The following CRYBG1 variants were observed in gnomAD, a reference collection of about 807,000 sequenced individuals.
CRYBG1 encodes beta/gamma crystallin domain-containing protein 1.
A neutral mutation model predicts 189.2 loss-of-function variants in CRYBG1; 139 were observed. That is an observed-to-expected ratio of 0.73 (90% CI 0.64 to 0.85). CRYBG1 has a LOEUF of 0.85. Among genes scored for constraint, CRYBG1 ranks in the 40% least tolerant of loss-of-function variants. The pLI, the probability that CRYBG1 is intolerant of heterozygous loss-of-function variation, is 0.00. For synonymous variants in CRYBG1, 1,023 were observed against 1,017.1 expected, an observed-to-expected ratio of 1.01 and a Z score of -0.11; for missense variants, 2,611 against 2,675.8, an observed-to-expected ratio of 0.98 and a Z score of 0.53.
At chr6:106,363,243 C>CAAAAA (rs57040798) in intron 1 of CRYBG1, among the ~76,000 whole-genome samples, 2 of 111,134 alleles carry the variant, frequency 1.8e-5, no homozygotes, top group East Asian at 2.6e-4. Context: ...AACTCCGTCT[C>CAAAAA]AAAAAAAAAA....
intron 21 of CRYBG1, 137 bp downstream of exon 21, chr6:106,564,063 G>A: frequency 3.6e-6 from 3 of 823,308 alleles, no homozygotes; most frequent in Non-Finnish European, 5.6e-6. Flanking sequence ...TGTGCCAGCT[G>A]CTGTGCTAGC....
intron 1 of CRYBG1, among the ~76,000 whole-genome samples, chr6:106,432,369 T>C (rs1023649905): frequency 6.6e-6 from 1 of 152,212 alleles, no homozygotes; most frequent in African/African-American, 2.4e-5. Flanking sequence ...GAAAACCATA[T>C]TGTACTTCTA....
At chr6:106,408,889 A>G in intron 1 of CRYBG1, among the ~76,000 whole-genome samples, 1 of 152,220 alleles carries the variant, frequency 6.6e-6, no homozygotes, top group African/African-American at 2.4e-5. Flanking sequence ...AGTAAGAGCT[A>G]TTTATGACAA....
intron 1 of CRYBG1, among the ~76,000 whole-genome samples, chr6:106,369,968 G>A (rs2114297856): frequency 6.6e-6 from 1 of 152,264 alleles, no homozygotes; most frequent in African/African-American, 2.4e-5. Context: ...ATCACTGCAG[G>A]TAAATCCCTG....
intron 2 of CRYBG1, among the ~76,000 whole-genome samples, chr6:106,506,385 T>A (rs783411): frequency 6.6e-6 from 1 of 151,624 alleles, no homozygotes; most frequent in Non-Finnish European, 1.5e-5. Flanking sequence ...TAGGAAAACT[T>A]ATTTATTTAT....
intron 8 of CRYBG1, among the ~76,000 whole-genome samples, chr6:106,531,058 T>C (rs1039558025): frequency 6.6e-6 from 1 of 152,220 alleles, no homozygotes; most frequent in Non-Finnish European, 1.5e-5. Flanking sequence ...CAGAGAATGC[T>C]CAAATGTTTT....
At chr6:106,542,857 C>T (rs866457671) in intron 10 of CRYBG1, among the ~76,000 whole-genome samples, 2 of 140,918 alleles carry the variant, frequency 1.4e-5, no homozygotes, top group African/African-American at 5.3e-5. Context: ...CCATATTGCC[C>T]AGGTTGGTCT....
intron 1 of CRYBG1, among the ~76,000 whole-genome samples, chr6:106,442,387 C>T (rs939882919): frequency 6.6e-6 from 1 of 152,138 alleles, no homozygotes; most frequent in Non-Finnish European, 1.5e-5. Flanking sequence ...CTAATTGTTG[C>T]TGGCATGAGT....
chr6:106,376,111 A>G (rs1000906196), intron 1 of CRYBG1, among the ~76,000 whole-genome samples: 6 of 152,186 alleles, frequency 3.9e-5, no homozygotes, highest in African/African-American at 1.4e-4. Flanking sequence ...ATAATTCACA[A>G]CCTCACTATT....
chr6:106,549,002 T>C (rs1774335588), intron 13 of CRYBG1, among the ~76,000 whole-genome samples: 1 of 151,142 alleles, frequency 6.6e-6, no homozygotes, highest in Non-Finnish European at 1.5e-5. Context: ...TGTTTGGTTT[T>C]TTGTCCTTGC....
At chr6:106,506,434 G>C (rs1286774507) in intron 2 of CRYBG1, among the ~76,000 whole-genome samples, 1 of 138,100 alleles carries the variant, frequency 7.2e-6, no homozygotes, top group Admixed American at 7.3e-5. Context: ...AATGTTATTA[G>C]ATTTCTTGTC....
intron 2 of CRYBG1, among the ~76,000 whole-genome samples, chr6:106,483,349 T>A (rs906216042): frequency 6.8e-6 from 1 of 146,388 alleles, no homozygotes; most frequent in Non-Finnish European, 1.5e-5. Flanking sequence ...GCCTGCATAG[T>A]ATTCCATTGT....
Position 106,505,667 on chromosome 6 carries a change from G to A in CRYBG1, c.313-5763G>A, listed in dbSNP as rs73515156. ...TCTAACCCCTATTTTAACTTTTAAAGTTGAAGTGTAAAGTAGCTCAAATTC... is the reference window on the plus strand; with the variant it reads ...TCTAACCCCTATTTTAACTTTTAAAATTGAAGTGTAAAGTAGCTCAAATTC... On this transcript the variant is annotated intron_variant, in intron 2 of 21. Transcript: ENST00000633556. Among the ~76,000 whole-genome samples the A allele has an allele frequency of 2.9e-3, 436 of 151,236 alleles. 4 individuals are homozygous for A. The highest frequency in any genetic ancestry group is 0.01 in the African/African-American group (422 of 41,228).
intron 1 of CRYBG1, among the ~76,000 whole-genome samples, chr6:106,387,250 T>A (rs528273182): frequency 6.6e-6 from 1 of 152,154 alleles, no homozygotes; most frequent in African/African-American, 2.4e-5. Flanking sequence ...ATTTCCATAG[T>A]AAGACTGTCA....
chr6:106,556,105 T>C (rs1346157238), intron 17 of CRYBG1, among the ~76,000 whole-genome samples: 1 of 152,212 alleles, frequency 6.6e-6, no homozygotes, highest in African/African-American at 2.4e-5. Flanking sequence ...TTAATCCTCA[T>C]ATGCATATCC....
Position 106,519,802 on chromosome 6 carries a change from C to T in CRYBG1, c.2594C>T (p.Pro865Leu). ...CATACATTTTCTGACTCACAGTCCC[C>T]TGCTGAGTCATCTCCTGGGCCTTCT... ...PQHTFSDSQSPAESSPGPSLS... is the reference protein window; with the variant it reads ...PQHTFSDSQSLAESSPGPSLS... Residue 865 changes from proline (P) to leucine (L), a missense_variant, in exon 4 of 22, where the codon CCT (proline) becomes CTT (leucine). Around this residue, in one of 3 missense-constraint regions of CRYBG1, gnomAD observed 1,622 missense variants for 1,735.0 expected, o/e 0.93. Coordinates refer to ENST00000633556, the MANE Select transcript of CRYBG1 (RefSeq NM_001371242.2). The T allele has an allele frequency of 6.2e-7, 1 of 1,614,206 alleles. No individual in the cohort carries two copies. Among genetic ancestry groups the T allele is most frequent in the Non-Finnish European group, 8.5e-7 (1 of 1,180,026 alleles).
chr6:106,451,918 C>T (rs7763469), intron 2 of CRYBG1, 86 bp downstream of exon 2: 1,145,037 of 1,146,690 alleles, frequency 1, 571,693 homozygotes, highest in East Asian at 1. Flanking sequence ...CTAAGAAACA[C>T]ATACTTAAAA....
chr6:106,544,870 T>C lies in CRYBG1; in HGVS notation c.5249T>C (p.Val1750Ala). 2 of 1,613,884 alleles carry C rather than the reference T, an allele frequency of 1.2e-6. No individual in the cohort carries two copies. Among genetic ancestry groups the C allele is most frequent in the Non-Finnish European group, 1.7e-6 (2 of 1,179,856 alleles). ...KGSSIDVLGIVANLKETGYGV... is the reference protein window; with the variant it reads ...KGSSIDVLGIAANLKETGYGV... ...TCCAGTATTGATGTATTGGGAATTG[T>C]TGCTAATTTAAAGGAGACTGGATAT... Residue 1750 changes from valine to alanine, a missense_variant, in exon 13 of 22, where the codon GTT (valine) becomes GCT (alanine). By Grantham distance (64) the Val-to-Ala change is moderately conservative. Around this residue, in one of 3 missense-constraint regions of CRYBG1, gnomAD observed 1,622 missense variants for 1,735.0 expected, o/e 0.93. Transcript: ENST00000633556.
intron 2 of CRYBG1, among the ~76,000 whole-genome samples, chr6:106,480,207 A>G (rs77947543): frequency 0.024 from 3,628 of 152,290 alleles, 65 homozygotes; most frequent in Middle Eastern, 0.037. Context: ...TATGAAGTTC[A>G]TAAGCCCAGT....
Sources: allele counts gnomAD v4.1 joint callset (sites outside exome capture counted in the v4.1 genomes callset), GRCh38; gene constraint gnomAD v4.1.1; regional missense constraint gnomAD v4.1.1; transcripts MANE v1.5; gene names NCBI Gene and HGNC (gene_info 2026-07-23, HGNC 2026-07-21).